FAM171A1: variants seen among roughly 807,000 people sequenced by gnomAD.
FAM171A1 encodes family with sequence similarity 171 member A1, also known as protein FAM171A1.
FAM171A1 carries 23 observed loss-of-function variants against 74.9 expected under a neutral mutation model. The ratio of observed to expected loss-of-function variants is 0.31; its 90% CI spans 0.22 to 0.44. FAM171A1 has a LOEUF of 0.44. Among genes scored for constraint, FAM171A1 ranks in the 20% least tolerant of loss-of-function variants. FAM171A1 has a pLI of 1.00. For missense variants in FAM171A1, 1,162 were observed against 1,159.2 expected, an observed-to-expected ratio of 1.00 and a Z score of -0.03; for synonymous variants, 527 against 505.7, an observed-to-expected ratio of 1.04 and a Z score of -0.57.
At chr10:15,301,581 T>C (rs952520243) in intron 1 of FAM171A1, among the ~76,000 whole-genome samples, 2 of 152,136 alleles carry the variant, frequency 1.3e-5, no homozygotes, top group African/African-American at 4.8e-5. Flanking sequence ...GCAGGCATGC[T>C]TGGTGCCTCT....
chr10:15,367,182 G>C (rs1439872326), intron 1 of FAM171A1, among the ~76,000 whole-genome samples: 1 of 151,292 alleles, frequency 6.6e-6, no homozygotes, highest in African/African-American at 2.4e-5. Flanking sequence ...CTGGGCGACA[G>C]AGCGAGACTC....
intron 1 of FAM171A1, among the ~76,000 whole-genome samples, chr10:15,358,924 C>T (rs2131887183): frequency 6.6e-6 from 1 of 152,300 alleles, no homozygotes; most frequent in Non-Finnish European, 1.5e-5. Flanking sequence ...AGGCTGTCTC[C>T]TACATAACAG....
chr10:15,342,712 A>C (rs1421217753), intron 1 of FAM171A1, among the ~76,000 whole-genome samples: 2 of 152,234 alleles, frequency 1.3e-5, no homozygotes, highest in Admixed American at 1.3e-4. Context: ...TACATCAACA[A>C]ACTGCACAGC....
chr10:15,353,118 C>T (rs1026967066), intron 1 of FAM171A1, among the ~76,000 whole-genome samples: 5 of 152,156 alleles, frequency 3.3e-5, no homozygotes. Context: ...TATTCCTTAG[C>T]CATATGCCTT....
chr10:15,237,677 T>C (rs1834310448), intron 5 of FAM171A1: 1 of 152,130 alleles, frequency 6.6e-6, no homozygotes, highest in Non-Finnish European at 1.5e-5. Flanking sequence ...GAGACAAAGT[T>C]TTCACTGAAC....
chr10:15,323,887 A>T (rs151290075), intron 1 of FAM171A1, among the ~76,000 whole-genome samples: 1 of 152,200 alleles, frequency 6.6e-6, no homozygotes, highest in East Asian at 1.9e-4. Context: ...TTTAAAAGCC[A>T]TAGCACCTAC....
chr10:15,225,817 G>A (rs1227777155), intron 5 of FAM171A1, among the ~76,000 whole-genome samples: 1 of 152,154 alleles, frequency 6.6e-6, no homozygotes, highest in Non-Finnish European at 1.5e-5. Flanking sequence ...TCCACTGCAA[G>A]GCCTCTCAAG....
intron 1 of FAM171A1, among the ~76,000 whole-genome samples, chr10:15,358,471 C>T (rs1835958225): frequency 6.6e-6 from 1 of 152,108 alleles, no homozygotes; most frequent in Admixed American, 6.6e-5. Context: ...CTTTCCTTTC[C>T]CCAACTCACC....
intron 1 of FAM171A1, among the ~76,000 whole-genome samples, chr10:15,315,434 G>A (rs1331149762): frequency 6.6e-6 from 1 of 152,222 alleles, no homozygotes; most frequent in Non-Finnish European, 1.5e-5. Context: ...CTTTCACGGT[G>A]TGGGCTTTGT....
intron 1 of FAM171A1, among the ~76,000 whole-genome samples, chr10:15,331,636 C>G (rs1053975507): frequency 1.3e-5 from 2 of 151,788 alleles, no homozygotes; most frequent in Admixed American, 6.6e-5. Flanking sequence ...CCAGCAGCCA[C>G]TCCTTATCCC....
intron 3 of FAM171A1, among the ~76,000 whole-genome samples, chr10:15,258,907 T>C (rs1588516875): frequency 6.6e-6 from 1 of 152,218 alleles, no homozygotes; most frequent in East Asian, 1.9e-4. Context: ...GCTCGCTCCC[T>C]GTGGGTTCCC....
At chr10:15,225,509 G>C (rs1010707355) in intron 5 of FAM171A1, among the ~76,000 whole-genome samples, 1 of 152,218 alleles carries the variant, frequency 6.6e-6, no homozygotes, top group Non-Finnish European at 1.5e-5. Flanking sequence ...CAGGGAGTAT[G>C]GGAATTAGCA....
In FAM171A1 at chr10:15,284,002, G is replaced by T. The variant is rs1224642604; in HGVS notation, c.201C>A (p.Thr67=). The change falls in exon 2 of 8, where the codon ACC becomes ACA. Residue 67 remains threonine (T), a synonymous_variant. Transcript: ENST00000378116. ...TAAAGGCGACGCCATCAGTCCCCGA[G>T]GTGCCAGAGGCTATGGAGGCCTGGT... ...FTNQASIASG[T]SGTDGVAFIK... is the part of the protein sequence containing the mutation. The T allele has an allele frequency of 6.2e-7, 1 of 1,614,094 alleles. No individual in the cohort carries two copies. Among genetic ancestry groups the T allele is most frequent in the African/African-American group, 1.3e-5 (1 of 74,938 alleles).
intron 1 of FAM171A1, among the ~76,000 whole-genome samples, chr10:15,314,151 G>A (rs555450514): frequency 5.9e-5 from 9 of 152,252 alleles, no homozygotes; most frequent in South Asian, 2.1e-4. Context: ...AGGATAAACC[G>A]TCACCCTACA....
At chr10:15,358,244 G>T (rs1275678606) in intron 1 of FAM171A1, among the ~76,000 whole-genome samples, 2 of 152,042 alleles carry the variant, frequency 1.3e-5, no homozygotes, top group African/African-American at 4.8e-5. Context: ...CCAAAGTGTT[G>T]GGATTACAGC....
chr10:15,271,537 C>A (rs1834824905), intron 3 of FAM171A1, among the ~76,000 whole-genome samples: 1 of 152,098 alleles, frequency 6.6e-6, no homozygotes, highest in Non-Finnish European at 1.5e-5. Flanking sequence ...CAGAATGCCA[C>A]AAAGATACTC....
intron 5 of FAM171A1, chr10:15,241,427 T>C (rs1834363227): frequency 6.6e-6 from 1 of 152,256 alleles, no homozygotes; most frequent in South Asian, 2.1e-4. Context: ...TTTGTGGGGA[T>C]ATAAGTTTCT....
intron 3 of FAM171A1, among the ~76,000 whole-genome samples, chr10:15,270,857 A>G (rs1410202639): frequency 6.6e-6 from 1 of 152,238 alleles, no homozygotes; most frequent in Non-Finnish European, 1.5e-5. Flanking sequence ...AAGGACATCC[A>G]CACCAAAACC....
At chr10:15,362,248 G>C (rs1332895191) in intron 1 of FAM171A1, among the ~76,000 whole-genome samples, 4 of 152,180 alleles carry the variant, frequency 2.6e-5, no homozygotes, top group Non-Finnish European at 5.9e-5. Flanking sequence ...TAAAGCACCA[G>C]TATTGTCCAG....
Sources: allele counts gnomAD v4.1 joint callset (sites outside exome capture counted in the v4.1 genomes callset), GRCh38; gene constraint gnomAD v4.1.1; transcripts MANE v1.5; gene names NCBI Gene and HGNC (gene_info 2026-07-23, HGNC 2026-07-21).